The following DGKB variants were observed in gnomAD, a reference collection of about 807,000 sequenced individuals.
DGKB encodes 90 kDa diacylglycerol kinase.
DGKB carries 67 observed loss-of-function variants against 114.3 expected under a neutral mutation model. The observed-to-expected ratio is 0.59, with a 90% CI of 0.48 to 0.72. DGKB has a LOEUF of 0.72. Ranked by LOEUF, DGKB falls within the 30% of genes least tolerant of loss-of-function variation. The pLI, the probability that DGKB is intolerant of heterozygous loss-of-function variation, is 0.00. For synonymous variants in DGKB, 398 were observed against 323.1 expected, an observed-to-expected ratio of 1.23 and a Z score of -2.49; for missense variants, 907 against 975.2, an observed-to-expected ratio of 0.93 and a Z score of 0.93.
intron 1 of DGKB, among the ~76,000 whole-genome samples, chr7:14,901,605 A>ACCCCCCCCCCCCCCCCCCCGC (rs1300363624): frequency 8.1e-6 from 1 of 123,094 alleles, no homozygotes; most frequent in African/African-American, 3.1e-5. Context: ...AGGGATTTCC[A>ACCCCCCCCCCCCCCCCCCCGC]CCCCCCCCCA....
chr7:14,239,554 A>G (rs1793335310), intron 23 of DGKB, among the ~76,000 whole-genome samples: 1 of 152,014 alleles, frequency 6.6e-6, no homozygotes, highest in African/African-American at 2.4e-5. Flanking sequence ...TTACTCATTC[A>G]TTATGTCCTC....
intron 1 of DGKB, among the ~76,000 whole-genome samples, chr7:14,888,703 A>G (rs2128222715): frequency 6.6e-6 from 1 of 151,828 alleles, no homozygotes; most frequent in Admixed American, 6.6e-5. Flanking sequence ...CTATTCCTTC[A>G]CTTTCATCTT....
At chr7:14,362,080 A>C (rs1179208981) in intron 21 of DGKB, among the ~76,000 whole-genome samples, 1 of 152,052 alleles carries the variant, frequency 6.6e-6, no homozygotes, top group Non-Finnish European at 1.5e-5. Context: ...TACGCTTTCT[A>C]TACTGAACAG....
intron 1 of DGKB, among the ~76,000 whole-genome samples, chr7:14,922,933 T>C (rs572536231): frequency 6.6e-6 from 1 of 152,304 alleles, no homozygotes; most frequent in Admixed American, 6.5e-5. Flanking sequence ...CACTATGCAG[T>C]CAATAGAGCA....
intron 2 of DGKB, among the ~76,000 whole-genome samples, chr7:14,821,451 C>T (rs879632427): frequency 1.3e-5 from 2 of 152,106 alleles, no homozygotes; most frequent in African/African-American, 4.8e-5. Context: ...AGAGGAGGAA[C>T]TTCAAGTGGC....
At chr7:14,774,632 T>G (rs1443066939) in intron 2 of DGKB, among the ~76,000 whole-genome samples, 1 of 152,192 alleles carries the variant, frequency 6.6e-6, no homozygotes, top group Non-Finnish European at 1.5e-5. Context: ...TTTCTCAACC[T>G]TAGAATATAT....
In DGKB at chr7:14,694,192, G is replaced by GA; in HGVS notation, c.593dup (p.Leu199ProfsTer3). The GA allele has an allele frequency of 6.4e-7, 1 of 1,565,628 alleles. No individual in the cohort carries two copies. The highest frequency in any genetic ancestry group is 8.7e-7 in the Non-Finnish European group (1 of 1,153,874). On this transcript the variant is annotated frameshift_variant and splice_region_variant, in exon 9 of 26. Transcript: ENST00000402815. LOFTEE classifies it high-confidence loss of function. The stretch of plus-strand genomic sequence containing the variant: ...CAATTTCTTCCATCATTTCATGGAG[G>GA]ATCTGGAGTAGAGGAGATAAGGGAA...
chr7:14,599,455 C>T (rs1306882122), intron 17 of DGKB, among the ~76,000 whole-genome samples: 1 of 152,120 alleles, frequency 6.6e-6, no homozygotes, highest in Admixed American at 6.6e-5. Flanking sequence ...TGCTTTTATG[C>T]TTGCTGCTCT....
intron 21 of DGKB, among the ~76,000 whole-genome samples, chr7:14,372,921 T>C (rs1817901652): frequency 6.6e-6 from 1 of 152,184 alleles, no homozygotes; most frequent in Non-Finnish European, 1.5e-5. Flanking sequence ...TGACAAATAT[T>C]TCCATTTTCC....
intron 12 of DGKB, among the ~76,000 whole-genome samples, chr7:14,678,879 C>T (rs1820343566): frequency 6.6e-6 from 1 of 151,860 alleles, no homozygotes; most frequent in Non-Finnish European, 1.5e-5. Flanking sequence ...TGACAAGACT[C>T]AGTGACAGGT....
chr7:14,879,202 T>G (rs1415539255), intron 1 of DGKB, among the ~76,000 whole-genome samples: 1 of 151,900 alleles, frequency 6.6e-6, no homozygotes, highest in Non-Finnish European at 1.5e-5. Flanking sequence ...AATAATCTAC[T>G]TTAGTGTATT....
intron 21 of DGKB, among the ~76,000 whole-genome samples, chr7:14,473,427 C>T (rs940584269): frequency 5.9e-5 from 9 of 152,148 alleles, no homozygotes; most frequent in Non-Finnish European, 1.2e-4. Flanking sequence ...CGCCTGGATG[C>T]CCAGGAAGCA....
At chr7:14,938,874 G>C (rs1008973918) in intron 1 of DGKB, among the ~76,000 whole-genome samples, 3 of 151,964 alleles carry the variant, frequency 2.0e-5, no homozygotes, top group African/African-American at 7.3e-5. Flanking sequence ...AACAAATCCT[G>C]GTCCTACCAT....
chr7:14,515,729 T>C (rs1191438080), intron 20 of DGKB, among the ~76,000 whole-genome samples: 2 of 152,232 alleles, frequency 1.3e-5, no homozygotes, highest in Non-Finnish European at 2.9e-5. Context: ...ACTAAATTAT[T>C]TGAATAATCA....
intron 23 of DGKB, among the ~76,000 whole-genome samples, chr7:14,295,618 A>G (rs766927979): frequency 2.0e-5 from 3 of 152,028 alleles, no homozygotes; most frequent in East Asian, 3.9e-4. Flanking sequence ...CAATACAACT[A>G]TCTCAAAATT....
At chr7:14,909,247 G>T (rs530955538) in intron 1 of DGKB, among the ~76,000 whole-genome samples, 1 of 151,904 alleles carries the variant, frequency 6.6e-6, no homozygotes, top group East Asian at 1.9e-4. Context: ...TTCATCCTAC[G>T]GTGAATAATG....
intron 13 of DGKB, among the ~76,000 whole-genome samples, chr7:14,672,196 A>G (rs1819078595): frequency 6.6e-6 from 1 of 152,134 alleles, no homozygotes. Context: ...ATTATATCAA[A>G]TGGAAGTTCC....
At chr7:14,717,099 T>C (rs1444414113) in intron 6 of DGKB, among the ~76,000 whole-genome samples, 1 of 151,952 alleles carries the variant, frequency 6.6e-6, no homozygotes, top group Non-Finnish European at 1.5e-5. Context: ...GTGTGGTGAG[T>C]CAACATTCTA....
At chr7:14,483,720 A>G (rs1486088709) in intron 20 of DGKB, among the ~76,000 whole-genome samples, 1 of 152,154 alleles carries the variant, frequency 6.6e-6, no homozygotes, top group African/African-American at 2.4e-5. Flanking sequence ...CAATTTCCTT[A>G]TGAGAGAGAG....
Sources: allele counts gnomAD v4.1 joint callset (sites outside exome capture counted in the v4.1 genomes callset), GRCh38; gene constraint gnomAD v4.1.1; transcripts MANE v1.5; gene names NCBI Gene and HGNC (gene_info 2026-07-23, HGNC 2026-07-21).